EIF4G3: variants seen among roughly 807,000 people sequenced by gnomAD.
EIF4G3 encodes eIF-4-gamma 3.
Under a neutral mutation model 186.4 loss-of-function variants are expected in EIF4G3, and 34 were observed. The observed-to-expected ratio is 0.18, with a 90% CI of 0.14 to 0.24. The LOEUF is 0.24. Ranked by LOEUF, EIF4G3 falls within the 10% of genes least tolerant of loss-of-function variation. The probability of loss-of-function intolerance (pLI) is 1.00; values close to 1 mark genes in which losing one functional copy is unlikely to be tolerated. For missense variants in EIF4G3, 1,536 were observed against 1,948.5 expected (o/e 0.79, Z 3.99); for synonymous variants, 673 against 679.5 (o/e 0.99, Z 0.15).
intron 10 of EIF4G3, among the ~76,000 whole-genome samples, chr1:20,976,456 T>G (rs183082515): frequency 5.6e-4 from 86 of 152,248 alleles, no homozygotes; most frequent in African/African-American, 1.9e-3. Context: ...AAACGGCAGT[T>G]TTCTTTAAAG....
At chr1:21,058,675 T>C (rs932395636) in intron 3 of EIF4G3, among the ~76,000 whole-genome samples, 12 of 148,536 alleles carry the variant, frequency 8.1e-5, no homozygotes, top group Admixed American at 4.7e-4. Context: ...TACACGTACA[T>C]GCCACCATGC....
intron 2 of EIF4G3, among the ~76,000 whole-genome samples, chr1:21,091,333 G>A (rs937338799): frequency 7.2e-5 from 11 of 151,842 alleles, no homozygotes; most frequent in African/African-American, 2.4e-4. Context: ...CTAATTTTTT[G>A]TATTTTTAGT....
At chr1:20,975,808 A>G (rs958504202) in intron 10 of EIF4G3, among the ~76,000 whole-genome samples, 20 of 152,194 alleles carry the variant, frequency 1.3e-4, no homozygotes, top group Non-Finnish European at 2.6e-4. Context: ...AGATCTGTCA[A>G]CTACAGTCTA....
At chr1:20,812,149 A>G (rs945145008) in intron 35 of EIF4G3, among the ~76,000 whole-genome samples, 16 of 152,198 alleles carry the variant, frequency 1.1e-4, no homozygotes, top group Admixed American at 5.9e-4. Flanking sequence ...AAATCTGGCC[A>G]TCGTGGCTCA....
chr1:21,021,084 A>C (rs1249999747), intron 4 of EIF4G3, among the ~76,000 whole-genome samples: 1 of 152,180 alleles, frequency 6.6e-6, no homozygotes, highest in Non-Finnish European at 1.5e-5. Context: ...CTCAGGTTCA[A>C]GCCATCCTCA....
intron 4 of EIF4G3, among the ~76,000 whole-genome samples, chr1:21,029,193 A>AT (rs1254925419): frequency 6.6e-6 from 1 of 151,458 alleles, no homozygotes; most frequent in African/African-American, 2.4e-5. Flanking sequence ...AATGTTTTAT[A>AT]TTTTTTAGTA....
chr1:20,811,074 C>T (rs1386193724), intron 35 of EIF4G3, among the ~76,000 whole-genome samples, 190 bp from the exon 36 acceptor site: 1 of 152,162 alleles, frequency 6.6e-6, no homozygotes, highest in Non-Finnish European at 1.5e-5. Flanking sequence ...CTCAGCCTCC[C>T]AAGTTGTTGG....
rs757264448 is a variant in EIF4G3, at chr1:21,176,226, A to ACCGCTG, written c.-329_-324dup. 1.0e-4 allele frequency: 42 copies of ACCGCTG among 400,644 alleles called. No individual in the cohort carries two copies. Among genetic ancestry groups the ACCGCTG allele is most frequent in the African/African-American group, 7.1e-4 (31 of 43,540 alleles). The allele number at this position is 400,644 out of a possible 1,614,324, so 24.8% of individuals were successfully genotyped here. On this transcript the variant is annotated 5_prime_UTR_variant, in exon 2 of 37. Transcript: ENST00000602326. ...CCTGATGTTCGGGTGAGGAGGGGGG[A>ACCGCTG]CCGCTGCCGCCGCCGCCGCCGCCGC...
rs60778778 is a variant in EIF4G3 at position 20,984,324 on chromosome 1, C to T, written c.178-1916G>A. ...GGGACTATGGGTGCCCACCACCACA[C>T]CTGGATAATTTTTGTATTTTTAGTA... On this transcript the variant is annotated intron_variant, in intron 7 of 36. Transcript: ENST00000602326. Among the ~76,000 whole-genome samples, 777 of 151,608 alleles carry T rather than the reference C, an allele frequency of 5.1e-3. 7 individuals are homozygous for T. The highest frequency in any genetic ancestry group is 0.018 in the African/African-American group (746 of 41,320).
chr1:21,156,601 T>C (rs1446832696), intron 2 of EIF4G3, among the ~76,000 whole-genome samples: 1 of 152,214 alleles, frequency 6.6e-6, no homozygotes, highest in African/African-American at 2.4e-5. Context: ...TCTTACTCTA[T>C]CAATGACAGC....
chr1:20,857,486 C>T lies in EIF4G3; in HGVS notation c.3256G>A (p.Val1086Met). 6.2e-7 allele frequency: 1 copy of T among 1,614,048 alleles called. No individual in the cohort carries two copies. The highest frequency in any genetic ancestry group is 2.2e-5 in the East Asian group (1 of 44,888). The change falls in exon 25 of 37, where the codon GTG becomes ATG. Residue 1086 changes from valine (V) to methionine (M), a missense_variant. This residue lies in a region of EIF4G3 where 110 missense variants were observed against 166.2 expected (regional missense o/e 0.66). Coordinates refer to ENST00000602326, the MANE Select transcript of EIF4G3 (RefSeq NM_001391906.1). The part of the protein sequence containing the change: ...KEKRRPGVQR[V>M]DEGGWNTVQG... ...ACAGTGTTCCACCCACCTTCGTCCA[C>T]TCTCTGGACACCTGCAGGGAGAACA...
intron 2 of EIF4G3, among the ~76,000 whole-genome samples, chr1:21,121,346 G>A (rs900726077): frequency 6.6e-6 from 1 of 152,054 alleles, no homozygotes. Context: ...TACTCAAAAA[G>A]CAGAGTTTGT....
intron 33 of EIF4G3, among the ~76,000 whole-genome samples, chr1:20,820,159 A>G (rs2061979238): frequency 6.6e-6 from 1 of 151,030 alleles, no homozygotes; most frequent in East Asian, 2.0e-4. Flanking sequence ...GCAGCTGTGG[A>G]TTCGAGCCTT....
chr1:21,033,366 T>C (rs572385381), intron 4 of EIF4G3, among the ~76,000 whole-genome samples: 6 of 152,082 alleles, frequency 3.9e-5, no homozygotes, highest in African/African-American at 1.4e-4. Flanking sequence ...CATAAACTGA[T>C]ATGAAAGAGT....
At chr1:20,812,862 C>T (rs114283796) in intron 35 of EIF4G3, among the ~76,000 whole-genome samples, 1,924 of 152,182 alleles carry the variant, frequency 0.013, 41 homozygotes, top group African/African-American at 0.043. Flanking sequence ...GAGGAGGCGG[C>T]CCTGAATGTT....
rs748274356 is a variant in EIF4G3 at position 20,899,878 on chromosome 1, C to G, written c.1818G>C (p.Gln606His). The change falls in exon 16 of 37, where the codon CAG becomes CAC. Residue 606 changes from glutamine to histidine, a missense_variant. Physicochemically the swap from Gln to His is conservative, Grantham distance 24 (BLOSUM62 0). Transcript: ENST00000602326. ...VLESEQDKMS[Q>H]GFHPERDPSD... ...AGGGGTCTCTTTCAGGATGAAACCC[C>G]TGGCTCATTTTATCTTGTTCAGATT... The G allele has an allele frequency of 1.7e-5, 27 of 1,613,956 alleles. No individual in the cohort carries two copies. In the East Asian group the frequency reaches 5.6e-4, roughly 33 times the overall value.
intron 33 of EIF4G3, among the ~76,000 whole-genome samples, chr1:20,824,559 T>A (rs2063148576): frequency 6.6e-6 from 1 of 152,344 alleles, no homozygotes; most frequent in East Asian, 1.9e-4. Flanking sequence ...AATCCTCCTA[T>A]AGGACCAGAT....
In EIF4G3 at chr1:20,816,843, C is replaced by T. The variant is rs1420834063; in HGVS notation, c.4515+549G>A. On this transcript the variant is annotated intron_variant, in intron 34 of 36. Transcript: ENST00000602326. ...AAAAATTGAGAAATCGGATGGTTGC[C>T]GGGTCTGTGTAGAAAGAAGTAGACA... Among the ~76,000 whole-genome samples the T allele has an allele frequency of 1.1e-4, 11 of 98,050 alleles. 1 individual carries two copies. Among genetic ancestry groups the T allele is most frequent in the East Asian group, 4.7e-4 (1 of 2,134 alleles). The allele number at this position is 98,050 out of a possible 152,430, so 64.3% of individuals were successfully genotyped here.
At chr1:21,175,217 A>T (rs2098078642) in intron 2 of EIF4G3, 1 of 152,180 alleles carries the variant, frequency 6.6e-6, no homozygotes, top group African/African-American at 2.4e-5. Context: ...TACCTTTCTA[A>T]ATCTCCGTGG....
Sources: gnomAD v4.1 joint callset for allele counts (sites outside exome capture counted in the v4.1 genomes callset) on GRCh38, gnomAD v4.1.1 for gene constraint, gnomAD v4.1.1 regional missense constraint, MANE v1.5 for transcripts, NCBI Gene and HGNC (gene_info 2026-07-23, HGNC 2026-07-21) for gene names.